The following BLCAP variants were observed in gnomAD, a reference collection of about 807,000 sequenced individuals.
BLCAP encodes the protein BLCAP apoptosis inducing factor.
BLCAP carries 1 observed loss-of-function variant against 5.7 expected under a neutral mutation model. That is an observed-to-expected ratio of 0.18 (90% confidence interval 0.06 to 0.83). The LOEUF (loss-of-function observed/expected upper bound fraction) is 0.83. Among genes scored for constraint, BLCAP ranks in the 40% least tolerant of loss-of-function variants. BLCAP has a pLI of 0.71. For missense variants in BLCAP, 66 were observed against 107.6 expected (o/e 0.61, Z 1.71); for synonymous variants, 48 against 49.4 (o/e 0.97, Z 0.11).
rs987795501 is a variant in BLCAP at position 37,521,269 on chromosome 20, T to G, written c.-176-1919A>C. ...TGCGGCAGTGCGCCCAACAGCGGAC[T>G]CCGAGACCAGCGGATCTCGGCAAAC... is the stretch of plus-strand genomic sequence containing the variant. On this transcript the variant is annotated intron_variant, in intron 1 of 1. Transcript: ENST00000373537. This position sits in a 1 kb window ranked among gnomAD's most constrained non-coding sequence, Gnocchi z 4.5. The G allele has an allele frequency of 1.6e-4, 243 of 1,557,336 alleles. 1 individual carries two copies. Among genetic ancestry groups the G allele is most frequent in the Non-Finnish European group, 1.9e-4 (210 of 1,128,954 alleles).
rs576587881 is a variant in BLCAP, at chr20:37,518,568, G to A, written c.*343C>T. On this transcript the variant is annotated 3_prime_UTR_variant, in exon 2 of 2. Coordinates refer to ENST00000373537, the MANE Select transcript of BLCAP (RefSeq NM_006698.4). Reference sequence around the variant, plus strand: ...GGGTCACAGAGGTGACAATGAGACTGGCATTTTATCTGCCCCAGGTCACAT... The same window carrying A: ...GGGTCACAGAGGTGACAATGAGACTAGCATTTTATCTGCCCCAGGTCACAT... The A allele has an allele frequency of 2.9e-5, 7 of 239,854 alleles. No homozygotes were observed. Among genetic ancestry groups the A allele is most frequent in the African/African-American group, 1.4e-4 (6 of 44,310 alleles). The allele number at this position is 239,854 out of a possible 1,614,324, so 14.9% of individuals were successfully genotyped here. A position where few individuals can be genotyped will look rare whatever the true frequency, so the allele number is the denominator to read the frequency against.
At position 37,521,693 on chromosome 20, in the gene BLCAP, GAA is replaced by G; in HGVS notation, c.-176-2345_-176-2344del. The G allele has an allele frequency of 2.5e-6, 1 of 404,838 alleles. No individual in the cohort carries two copies. The highest frequency in any genetic ancestry group is 4.5e-6 in the Non-Finnish European group (1 of 221,256). 25.1% of individuals were successfully genotyped at this position (404,838 alleles called of 1,614,324 possible). ...AGGCATTTAGCGACCTACGCGGTAA[GAA>G]AAACCCGCTACACCCGGACTCGACC... is the stretch of plus-strand genomic sequence containing the variant. On this transcript the variant is annotated intron_variant, in intron 1 of 1. Transcript: ENST00000373537. The surrounding 1 kb of genome is among the most constrained non-coding windows in gnomAD (Gnocchi z 4.5).
intron 1 of BLCAP, chr20:37,522,721 C>T (rs1342721331): frequency 1.2e-6 from 2 of 1,611,764 alleles, no homozygotes; most frequent in Non-Finnish European, 1.7e-6. Flanking sequence ...GACCGGGCGG[C>T]AGGTGTTGGG....
intron 1 of BLCAP, among the ~76,000 whole-genome samples, chr20:37,526,362 T>C (rs1568688940): frequency 2.7e-5 from 4 of 147,038 alleles, no homozygotes; most frequent in South Asian, 2.2e-4. Context: ...CAATCTCTTT[T>C]CCCCCCGGTA....
In BLCAP at chr20:37,517,961, A is replaced by G. The variant is rs994445512; in HGVS notation, c.*950T>C. On this transcript the variant is annotated 3_prime_UTR_variant, in exon 2 of 2. Transcript: ENST00000373537. ...GTTCGATAAAGCTTCTTTAAAAGGAATATACACATGTATTTGTACACACAC... is the reference window on the plus strand; with the variant it reads ...GTTCGATAAAGCTTCTTTAAAAGGAGTATACACATGTATTTGTACACACAC... 3 of 151,262 alleles carry G rather than the reference A, an allele frequency of 2.0e-5. No individual in the cohort carries two copies. Among genetic ancestry groups the G allele is most frequent in the Admixed American group, 6.7e-5 (1 of 15,010 alleles). 9.4% of individuals were successfully genotyped at this position (151,262 alleles called of 1,614,324 possible).
intron 1 of BLCAP, chr20:37,526,492 G>C (rs1332260603): frequency 6.6e-6 from 1 of 152,170 alleles, no homozygotes; most frequent in East Asian, 1.9e-4. Context: ...GCCCCAGCAG[G>C]ATCCAGATTC....
rs544675196 is a variant in BLCAP at position 37,521,687 on chromosome 20, C to T, written c.-176-2337G>A. On this transcript the variant is annotated intron_variant, in intron 1 of 1. Transcript: ENST00000373537. The surrounding 1 kb of genome is among the most constrained non-coding windows in gnomAD (Gnocchi z 4.5). ...TCACCCAGGCATTTAGCGACCTACG[C>T]GGTAAGAAAAACCCGCTACACCCGG... The T allele has an allele frequency of 1.9e-5, 8 of 417,432 alleles. No individual in the cohort carries two copies. In the East Asian group the frequency reaches 2.8e-4, roughly 14 times the overall value. The allele number at this position is 417,432 out of a possible 1,614,324, so 25.9% of individuals were successfully genotyped here. A position where few individuals can be genotyped will look rare whatever the true frequency, so the allele number is the denominator to read the frequency against.
At chr20:37,524,045 C>G (rs2071678913) in intron 1 of BLCAP, among the ~76,000 whole-genome samples, 1 of 152,296 alleles carries the variant, frequency 6.6e-6, no homozygotes, top group Non-Finnish European at 1.5e-5. Flanking sequence ...GTGGGAGTAG[C>G]CCTCCAAAGA....
At chr20:37,522,456 G>A in intron 1 of BLCAP, 2 of 1,609,244 alleles carry the variant, frequency 1.2e-6, no homozygotes, top group Non-Finnish European at 1.7e-6. Flanking sequence ...TAAGTTGTGG[G>A]TCCAATCAGC....
chr20:37,525,364 C>T (rs1365930380), intron 1 of BLCAP, among the ~76,000 whole-genome samples: 1 of 152,236 alleles, frequency 6.6e-6, no homozygotes, highest in Non-Finnish European at 1.5e-5. Context: ...GCTGGCTGCT[C>T]TGGACACAGC....
rs2071556647 is a variant in BLCAP, at chr20:37,521,244, T to G, written c.-176-1894A>C. ...GTACTTAAGGCGCGGCCACCGCGGC[T>G]GCGGCAGTGCGCCCAACAGCGGACT... On this transcript the variant is annotated intron_variant, in intron 1 of 1. Coordinates refer to ENST00000373537, the MANE Select transcript of BLCAP (RefSeq NM_006698.4). The surrounding 1 kb of genome is among the most constrained non-coding windows in gnomAD (Gnocchi z 4.5). The G allele has an allele frequency of 7.2e-7, 1 of 1,393,980 alleles. No individual in the cohort carries two copies. Among genetic ancestry groups the G allele is most frequent in the Admixed American group, 1.7e-5 (1 of 59,196 alleles). 86.4% of individuals were successfully genotyped at this position (1,393,980 alleles called of 1,614,324 possible). A position where few individuals can be genotyped will look rare whatever the true frequency, so the allele number is the denominator to read the frequency against.
chr20:37,518,628 A>AT lies in BLCAP; in HGVS notation c.*282_*283insA. On this transcript the variant is annotated 3_prime_UTR_variant, in exon 2 of 2. Coordinates refer to ENST00000373537, the MANE Select transcript of BLCAP (RefSeq NM_006698.4). ...TGACCAGGATGGACCCAGACTCCTC[A>AT]CAGTAATGAGGCGAGAGGGGTGGTC... The AT allele has an allele frequency of 2.3e-6, 1 of 426,236 alleles. No homozygotes were observed. Among genetic ancestry groups the AT allele is most frequent in the Admixed American group, 3.9e-5 (1 of 25,364 alleles). The allele number at this position is 426,236 out of a possible 1,614,324, so 26.4% of individuals were successfully genotyped here.
chr20:37,527,355 C>A (rs1243565723), intron 1 of BLCAP, among the ~76,000 whole-genome samples: 2 of 149,884 alleles, frequency 1.3e-5, no homozygotes, highest in Non-Finnish European at 3.0e-5. Context: ...CCACGTCCCC[C>A]CACCTCCCCC....
At position 37,521,668 on chromosome 20, in the gene BLCAP, A is replaced by G; in HGVS notation, c.-176-2318T>C. ...GGGCGACCGCTGCGGACGATCACCC[A>G]GGCATTTAGCGACCTACGCGGTAAG... is the stretch of plus-strand genomic sequence containing the variant. On this transcript the variant is annotated intron_variant, in intron 1 of 1. Transcript: ENST00000373537. This position sits in a 1 kb window ranked among gnomAD's most constrained non-coding sequence, Gnocchi z 4.5. 3 of 482,474 alleles carry G rather than the reference A, an allele frequency of 6.2e-6. No homozygotes were observed. The highest frequency in any genetic ancestry group is 1.1e-5 in the Non-Finnish European group (3 of 267,464). The allele number at this position is 482,474 out of a possible 1,614,324, so 29.9% of individuals were successfully genotyped here.
At chr20:37,519,610 G>A (rs1276212836) in intron 1 of BLCAP, among the ~76,000 whole-genome samples, 1 of 152,180 alleles carries the variant, frequency 6.6e-6, no homozygotes, top group Non-Finnish European at 1.5e-5. Flanking sequence ...GGATCGGGGA[G>A]AGGGCTCTTT....
rs536687636 is a variant in BLCAP at position 37,518,378 on chromosome 20, G to A, written c.*533C>T. The A allele has an allele frequency of 1.3e-5, 2 of 152,856 alleles. No homozygotes were observed. Among genetic ancestry groups the A allele is most frequent in the Non-Finnish European group, 2.9e-5 (2 of 68,342 alleles). 9.5% of individuals were successfully genotyped at this position (152,856 alleles called of 1,614,324 possible). On this transcript the variant is annotated 3_prime_UTR_variant, in exon 2 of 2. Coordinates refer to ENST00000373537, the MANE Select transcript of BLCAP (RefSeq NM_006698.4). ...AGAAGGATGAAAAAGCGAGGCTCTC[G>A]GGCGTCAGCAATCTCTTCAAATTCG...
rs1460299470 is a variant in BLCAP at position 37,518,916 on chromosome 20, T to G, written c.259A>C (p.Thr87Pro). 3.1e-6 allele frequency: 5 copies of G among 1,614,056 alleles called. No homozygotes were observed. Among genetic ancestry groups the G allele is most frequent in the Non-Finnish European group, 4.2e-6 (5 of 1,179,982 alleles). The change falls in exon 2 of 2, where the codon ACC becomes CCC. Residue 87 changes from threonine to proline, a missense_variant. Coordinates refer to ENST00000373537, the MANE Select transcript of BLCAP (RefSeq NM_006698.4). The stretch of plus-strand genomic sequence containing the variant: ...AAAGCTAACAGGGCAGGCCGTTAGG[T>G]GCCCACAACGCCGGGATCATGCGCC... ...ESAHDPGVVG[T>P] is the part of the protein sequence containing the mutation.
At position 37,521,532 on chromosome 20, in the gene BLCAP, G is replaced by A; in HGVS notation, c.-176-2182C>T. 1.0e-6 allele frequency: 1 copy of A among 960,774 alleles called. No individual in the cohort carries two copies. Among genetic ancestry groups the A allele is most frequent in the Non-Finnish European group, 1.6e-6 (1 of 618,476 alleles). 59.5% of individuals were successfully genotyped at this position (960,774 alleles called of 1,614,324 possible). On this transcript the variant is annotated intron_variant, in intron 1 of 1. Transcript: ENST00000373537. The surrounding 1 kb of genome is among the most constrained non-coding windows in gnomAD (Gnocchi z 4.5). ...ATTGCCGCGATCCTTGCCTGCCCAA[G>A]TGCCGCTGCCGGCACCGCGCGCCCC...
chr20:37,522,816 C>A, intron 1 of BLCAP: 1 of 1,467,880 alleles, frequency 6.8e-7, no homozygotes. Context: ...TGCATCTCGG[C>A]CAGCACGGGA....
Sources: gnomAD v4.1 joint callset for allele counts (sites outside exome capture counted in the v4.1 genomes callset) on GRCh38, gnomAD v4.1.1 for gene constraint, Gnocchi (gnomAD v3.1) non-coding constraint, MANE v1.5 for transcripts, NCBI Gene and HGNC (gene_info 2026-07-23, HGNC 2026-07-21) for gene names.